The following LRRTM3 variants were observed in gnomAD, a reference collection of about 807,000 sequenced individuals.
The protein encoded by LRRTM3 is leucine-rich repeat transmembrane neuronal protein 3.
A neutral mutation model predicts 44.7 loss-of-function variants in LRRTM3; 24 were observed. The observed-to-expected ratio is 0.54, with a 90% CI of 0.39 to 0.76. LRRTM3 has a LOEUF of 0.76. Among genes scored for constraint, LRRTM3 ranks in the 30% least tolerant of loss-of-function variants. The pLI, the probability that LRRTM3 is intolerant of heterozygous loss-of-function variation, is 0.00. For synonymous variants in LRRTM3, 277 were observed against 278.7 expected, an observed-to-expected ratio of 0.99 and a Z score of 0.06; for missense variants, 587 against 702.2, an observed-to-expected ratio of 0.84 and a Z score of 1.85.
At chr10:66,989,538 C>T (rs551265839) in intron 2 of LRRTM3, among the ~76,000 whole-genome samples, 1 of 152,184 alleles carries the variant, frequency 6.6e-6, no homozygotes. Context: ...TGGGATTAGC[C>T]TGATACATGT....
At chr10:67,070,783 G>T (rs1035178542) in intron 2 of LRRTM3, among the ~76,000 whole-genome samples, 2 of 151,736 alleles carry the variant, frequency 1.3e-5, no homozygotes, top group Non-Finnish European at 2.9e-5. Flanking sequence ...AGAAATCCTT[G>T]CCTACTCCAG....
chr10:66,980,565 T>TTCTGTTTCCCAAGCAAAAATCAGA (rs1564809959), intron 2 of LRRTM3, among the ~76,000 whole-genome samples: 3 of 152,092 alleles, frequency 2.0e-5, no homozygotes, highest in African/African-American at 4.8e-5. Context: ...GAGACCTTCC[T>TTCTGTTTCCCAAGCAAAAATCAGA]ACCCACCTGT....
At chr10:66,929,343 A>C (rs1248043562) in intron 2 of LRRTM3, among the ~76,000 whole-genome samples, 1 of 152,216 alleles carries the variant, frequency 6.6e-6, no homozygotes, top group Non-Finnish European at 1.5e-5. Flanking sequence ...TGCTACAGGC[A>C]TGTGGTTGAG....
At chr10:67,088,205 A>C (rs1316259589) in intron 2 of LRRTM3, among the ~76,000 whole-genome samples, 2 of 151,254 alleles carry the variant, frequency 1.3e-5, no homozygotes, top group African/African-American at 4.8e-5. Context: ...ATGTATTGGA[A>C]TGGCTTATGT....
intron 2 of LRRTM3, among the ~76,000 whole-genome samples, chr10:67,022,330 C>T (rs1005587311): frequency 6.6e-6 from 1 of 151,898 alleles, no homozygotes; most frequent in Non-Finnish European, 1.5e-5. Flanking sequence ...TACACACATG[C>T]CTCTGTGTGT....
rs572144441 is a variant in LRRTM3, at chr10:67,046,423, A to G, written c.1537-51164A>G. The stretch of plus-strand genomic sequence containing the variant: ...TAACTGAAACAGGGATTCTCAACAC[A>G]TAGAACTTCTAATCCAGGCTGACCT... On this transcript the variant is annotated intron_variant, in intron 2 of 2. Transcript: ENST00000361320. Among the ~76,000 whole-genome samples, 36 of 152,294 alleles carry G rather than the reference A, an allele frequency of 2.4e-4. No homozygotes were observed. The East Asian group carries it at 4.8e-3, about 20-fold the overall frequency.
intron 2 of LRRTM3, among the ~76,000 whole-genome samples, chr10:67,056,063 T>C (rs1428775178): frequency 1.3e-5 from 2 of 152,106 alleles, no homozygotes; most frequent in Admixed American, 6.6e-5. Context: ...GAAGAATGCT[T>C]GTAAAGTATT....
chr10:67,020,158 T>G (rs932082762), intron 2 of LRRTM3, among the ~76,000 whole-genome samples: 1 of 152,198 alleles, frequency 6.6e-6, no homozygotes. Flanking sequence ...TAGTATTTTT[T>G]ATAATCATAG....
chr10:66,995,402 T>C (rs2132952449), intron 2 of LRRTM3, among the ~76,000 whole-genome samples: 1 of 152,328 alleles, frequency 6.6e-6, no homozygotes, highest in Non-Finnish European at 1.5e-5. Context: ...ATCTCTTACA[T>C]GGCCCATGGT....
At chr10:66,972,404 C>T (rs1849772501) in intron 2 of LRRTM3, among the ~76,000 whole-genome samples, 1 of 152,162 alleles carries the variant, frequency 6.6e-6, no homozygotes, top group Non-Finnish European at 1.5e-5. Flanking sequence ...AGTCCTCCTG[C>T]CTCAGCCTCC....
intron 2 of LRRTM3, among the ~76,000 whole-genome samples, chr10:67,078,057 G>A (rs1856824742): frequency 6.6e-6 from 1 of 152,098 alleles, no homozygotes; most frequent in Admixed American, 6.5e-5. Context: ...CACAGACCAG[G>A]GTCATACTTG....
At chr10:67,046,078 T>C (rs1854726088) in intron 2 of LRRTM3, among the ~76,000 whole-genome samples, 1 of 150,094 alleles carries the variant, frequency 6.7e-6, no homozygotes, top group South Asian at 2.1e-4. Context: ...TGAAATACAA[T>C]AGCTAAGCTT....
At chr10:67,051,376 T>C (rs1434762534) in intron 2 of LRRTM3, among the ~76,000 whole-genome samples, 1 of 152,224 alleles carries the variant, frequency 6.6e-6, no homozygotes, top group Admixed American at 6.5e-5. Flanking sequence ...TTTCAATTGA[T>C]CTATTTTCCC....
At chr10:66,933,237 CT>C (rs1847509476) in intron 2 of LRRTM3, among the ~76,000 whole-genome samples, 1 of 152,196 alleles carries the variant, frequency 6.6e-6, no homozygotes, top group Non-Finnish European at 1.5e-5. Context: ...TCGTCTTTGA[CT>C]TTCTGTTTTC....
At chr10:67,086,368 G>A (rs1857308280) in intron 2 of LRRTM3, among the ~76,000 whole-genome samples, 1 of 151,914 alleles carries the variant, frequency 6.6e-6, no homozygotes, top group African/African-American at 2.4e-5. Flanking sequence ...TCATTTAGTT[G>A]GGAGATAATC....
At chr10:67,012,099 A>C (rs139635350) in intron 2 of LRRTM3, among the ~76,000 whole-genome samples, 243 of 152,320 alleles carry the variant, frequency 1.6e-3, no homozygotes, top group African/African-American at 5.5e-3. Flanking sequence ...AGTCAAACAC[A>C]ACTCTCTCTG....
chr10:67,036,331 G>A (rs948470726), intron 2 of LRRTM3, among the ~76,000 whole-genome samples: 6 of 150,768 alleles, frequency 4.0e-5, no homozygotes, highest in East Asian at 3.9e-4. Context: ...GTGCAGTGGC[G>A]CGATCTCGGC....
rs990972846 is a variant in LRRTM3 at position 67,019,831 on chromosome 10, G to A, written c.1537-77756G>A. Among the ~76,000 whole-genome samples the A allele has an allele frequency of 5.9e-5, 9 of 152,058 alleles. No individual in the cohort carries two copies. In the South Asian group the frequency reaches 1.0e-3, roughly 18 times the overall value. On this transcript the variant is annotated intron_variant, in intron 2 of 2. Coordinates refer to ENST00000361320, the MANE Select transcript of LRRTM3 (RefSeq NM_178011.5). Reference sequence around the variant, plus strand: ...CTTTAAGTTCAAATTCTAAGCGTCCGTTTATGAACAAATCTGTTCCTCTTC... The same window carrying A: ...CTTTAAGTTCAAATTCTAAGCGTCCATTTATGAACAAATCTGTTCCTCTTC...
chr10:67,091,486 AC>A (rs545082417), intron 2 of LRRTM3, among the ~76,000 whole-genome samples: 99 of 151,832 alleles, frequency 6.5e-4, no homozygotes, highest in Non-Finnish European at 1.2e-3. Context: ...AGACATGACC[AC>A]CCCCCAAAAA....
Sources: allele counts gnomAD v4.1 joint callset (sites outside exome capture counted in the v4.1 genomes callset), GRCh38; gene constraint gnomAD v4.1.1; transcripts MANE v1.5; gene names NCBI Gene and HGNC (gene_info 2026-07-23, HGNC 2026-07-21).